The following EP400 variants were observed in gnomAD, a reference collection of about 807,000 sequenced individuals.
EP400 encodes E1A-binding protein p400.
EP400 carries 105 observed loss-of-function variants against 354.1 expected under a neutral mutation model. That is an observed-to-expected ratio of 0.30 (90% CI 0.25 to 0.35). The LOEUF is 0.35. EP400 is among the 10% of genes least tolerant of loss of function. The probability of loss-of-function intolerance (pLI) is 1.00; values close to 1 mark genes in which losing one functional copy is unlikely to be tolerated. For missense variants in EP400, 3,280 were observed against 4,121.0 expected (o/e 0.80, Z 5.59); for synonymous variants, 1,646 against 1,716.9 (o/e 0.96, Z 1.02).
At chr12:131,974,287 A>T (rs763304842) in intron 2 of EP400, among the ~76,000 whole-genome samples, 29 of 151,590 alleles carry the variant, frequency 1.9e-4, no homozygotes, top group Non-Finnish European at 2.4e-4. Flanking sequence ...CCAGTTTTTT[A>T]ATTTTTTTGT....
In EP400 at chr12:132,014,773, C is replaced by G. The variant is rs575345216; in HGVS notation, c.3923+860C>G. 4.6e-5 allele frequency among the ~76,000 whole-genome samples: 7 copies of G among 152,336 alleles called. No homozygotes were observed. The South Asian group carries it at 1.4e-3, about 32-fold the overall frequency. ...CCCAGCCACGTGCTGATGTGCTCCC[C>G]TCCTTGTGGGGAGATGACATGGGGA... On this transcript the variant is annotated intron_variant, in intron 19 of 52. Transcript: ENST00000389561.
At chr12:132,064,520 C>T in intron 47 of EP400, 148 bp from the exon 48 acceptor site, 1 of 1,016,558 alleles carries the variant, frequency 9.8e-7, no homozygotes, top group Non-Finnish European at 1.4e-6. Flanking sequence ...ACTGGGCAGC[C>T]CATGGAAGGC....
At chr12:131,970,248 G>A (rs1361208744) in intron 2 of EP400, among the ~76,000 whole-genome samples, 1 of 152,202 alleles carries the variant, frequency 6.6e-6, no homozygotes, top group Non-Finnish European at 1.5e-5. Flanking sequence ...AAGAGATGCA[G>A]TGTTTACAGT....
At position 132,006,131 on chromosome 12, in the gene EP400, C is replaced by T. The variant is rs764676697; in HGVS notation, c.2955C>T (p.Gly985=). Residue 985 remains glycine, a synonymous_variant, in exon 14 of 53, where the codon GGC becomes GGT. Transcript: ENST00000389561. ...TTACAGATGCAGATGACTGTCCAGG[C>T]GACAGGGAGAGTCGCAAGGACTTGG... is the stretch of plus-strand genomic sequence containing the variant. ...SGEEDADDCP[G]DRESRKDLVL... is the part of the protein sequence containing the mutation. 8.1e-6 allele frequency: 13 copies of T among 1,613,890 alleles called. No individual in the cohort carries two copies. The highest frequency in any genetic ancestry group is 4.4e-5 in the South Asian group (4 of 91,070).
intron 1 of EP400, among the ~76,000 whole-genome samples, chr12:131,956,827 GGTTAA>G (rs909873917): frequency 1.1e-4 from 16 of 150,430 alleles, no homozygotes; most frequent in African/African-American, 3.7e-4. Context: ...CCTCTAAGCT[GGTTAA>G]GTACATGCTT....
At chr12:132,051,521 CA>C (rs1294023749) in intron 41 of EP400, among the ~76,000 whole-genome samples, 2 of 152,190 alleles carry the variant, frequency 1.3e-5, no homozygotes, top group African/African-American at 4.8e-5. Context: ...GGCCACTGGA[CA>C]GGGGGCCCTT....
Position 132,045,329 on chromosome 12 carries a change from G to A in EP400, c.6795G>A (p.Arg2265=). The stretch of plus-strand genomic sequence containing the variant: ...TGCCTCTCTGTTCAGCTGCAGGCAG[G>A]AAGAAGAAGCAGCGTCACGGGGAGG... ...RHKTDPSAAG[R]KKKQRHGEAV... The change falls in exon 38 of 53, where the codon AGG becomes AGA. Residue 2265 remains arginine (R), a synonymous_variant. Transcript: ENST00000389561. 12 of 1,614,198 alleles carry A rather than the reference G, an allele frequency of 7.4e-6. No homozygotes were observed. The highest frequency in any genetic ancestry group is 1.0e-5 in the Non-Finnish European group (12 of 1,180,036).
chr12:132,051,644 G>A (rs1206498205), intron 41 of EP400, among the ~76,000 whole-genome samples: 3 of 152,180 alleles, frequency 2.0e-5, no homozygotes, highest in Non-Finnish European at 4.4e-5. Flanking sequence ...TAACTAAACG[G>A]CAGAGCCAGG....
intron 51 of EP400, 156 bp from the exon 52 acceptor site, chr12:132,076,360 T>C: frequency 1.3e-6 from 1 of 755,314 alleles, no homozygotes; most frequent in East Asian, 2.7e-5. Flanking sequence ...ACTTGCTCTC[T>C]CACTGCTGCA....
chr12:132,069,711 C>T (rs1056697369), intron 51 of EP400, 70 bp downstream of exon 51: 8 of 1,582,902 alleles, frequency 5.1e-6, no homozygotes, highest in East Asian at 4.5e-5. Flanking sequence ...GTGTGTCTCG[C>T]GGGCTTTGCG....
At chr12:131,992,883 T>C (rs1893086449) in intron 11 of EP400, among the ~76,000 whole-genome samples, 1 of 152,204 alleles carries the variant, frequency 6.6e-6, no homozygotes, top group Non-Finnish European at 1.5e-5. Context: ...TGTGGTTTTA[T>C]TGGCTTGGTT....
rs1343254917 is a variant in EP400, at chr12:132,038,241, A to G, written c.6207+145A>G. On this transcript the variant is annotated intron_variant, in intron 32 of 52. Coordinates refer to ENST00000389561, the MANE Select transcript of EP400 (RefSeq NM_015409.5). This position sits in a 1 kb window ranked among gnomAD's most constrained non-coding sequence, Gnocchi z 4.2. ...CCGTCCCTGCTTTTGGAACCTCCCCACTCCCTTCTTTCTGTCATGGGGATT... is the reference window on the plus strand; with the variant it reads ...CCGTCCCTGCTTTTGGAACCTCCCCGCTCCCTTCTTTCTGTCATGGGGATT... 5.9e-6 allele frequency: 6 copies of G among 1,011,956 alleles called. No homozygotes were observed. The South Asian group carries it at 8.3e-5, about 14-fold the overall frequency. The allele number at this position is 1,011,956 out of a possible 1,614,324, so 62.7% of individuals were successfully genotyped here. A position where few individuals can be genotyped will look rare whatever the true frequency, so the allele number is the denominator to read the frequency against.
In EP400 at chr12:132,006,686, G is replaced by A; in HGVS notation, c.3127-14G>A. On this transcript the variant is annotated splice_polypyrimidine_tract_variant and intron_variant, in intron 14 of 52. Coordinates refer to ENST00000389561, the MANE Select transcript of EP400 (RefSeq NM_015409.5). ...TTGACGAGCTGTCATTCTTTTATTT[G>A]TTCATCACTGCAGGTCAAGTTTAAT... The A allele has an allele frequency of 1.3e-6, 2 of 1,560,282 alleles. No homozygotes were observed. The highest frequency in any genetic ancestry group is 1.7e-6 in the Non-Finnish European group (2 of 1,156,784).
At chr12:132,019,099 C>T (rs940916149) in intron 21 of EP400, among the ~76,000 whole-genome samples, 1 of 152,148 alleles carries the variant, frequency 6.6e-6, no homozygotes, top group African/African-American at 2.4e-5. Context: ...TGAGGACTCA[C>T]GACCCAGCAG....
chr12:132,030,195 C>G (rs1565921932), intron 29 of EP400, 37 bp downstream of exon 29: 1 of 1,609,502 alleles, frequency 6.2e-7, no homozygotes, highest in Non-Finnish European at 8.5e-7. Flanking sequence ...TCTGATGGGT[C>G]AGTCACTGGT....
At chr12:132,060,311 C>T (rs1895650172) in intron 45 of EP400, among the ~76,000 whole-genome samples, 1 of 152,072 alleles carries the variant, frequency 6.6e-6, no homozygotes, top group African/African-American at 2.4e-5. Context: ...TAGTCACTGA[C>T]TATCAGACAG....
chr12:132,021,392 A>T, intron 23 of EP400, 71 bp downstream of exon 23: 1 of 1,434,066 alleles, frequency 7.0e-7, no homozygotes. Flanking sequence ...GAACACGGGG[A>T]TGTAGGAGGA....
chr12:132,069,289 C>T (rs549506085), intron 50 of EP400: 49 of 620,114 alleles, frequency 7.9e-5, no homozygotes, highest in South Asian at 2.4e-4. Context: ...GAGAAGCTGG[C>T]GGCCATGCCG....
chr12:131,971,394 T>C (rs1418127968), intron 2 of EP400, among the ~76,000 whole-genome samples: 2 of 152,202 alleles, frequency 1.3e-5, no homozygotes, highest in African/African-American at 2.4e-5. Context: ...GCTGGGCACT[T>C]AGGTTGTTTT....
Sources: gnomAD v4.1 joint callset for allele counts (sites outside exome capture counted in the v4.1 genomes callset) on GRCh38, gnomAD v4.1.1 for gene constraint, Gnocchi (gnomAD v3.1) non-coding constraint, MANE v1.5 for transcripts, NCBI Gene and HGNC (gene_info 2026-07-23, HGNC 2026-07-21) for gene names.